Variants in AKT3 observed in about 807,000 individuals in gnomAD.
AKT3 encodes RAC-gamma serine/threonine-protein kinase.
AKT3 carries 15 observed loss-of-function variants against 65.3 expected under a neutral mutation model. That is an observed-to-expected ratio of 0.23 (90% CI 0.15 to 0.35). AKT3 has a LOEUF of 0.35. Among genes scored for constraint, AKT3 ranks in the 10% least tolerant of loss-of-function variants. AKT3 has a pLI of 1.00. For missense variants in AKT3, 243 were observed against 576.5 expected (o/e 0.42, Z 5.92); for synonymous variants, 206 against 183.8 (o/e 1.12, Z -0.98).
chr1:243,632,009 T>C (rs910787181), intron 6 of AKT3, among the ~76,000 whole-genome samples: 1 of 152,212 alleles, frequency 6.6e-6, no homozygotes, highest in Non-Finnish European at 1.5e-5. Context: ...AACTCATCCA[T>C]GAAGATTGGA....
intron 8 of AKT3, among the ~76,000 whole-genome samples, chr1:243,608,598 T>C (rs1177304459): frequency 6.6e-6 from 1 of 152,146 alleles, no homozygotes; most frequent in Non-Finnish European, 1.5e-5. Flanking sequence ...ATACAGATCC[T>C]ACCCCACTGG....
chr1:243,682,791 T>G (rs949553139), intron 3 of AKT3, among the ~76,000 whole-genome samples: 1 of 152,204 alleles, frequency 6.6e-6, no homozygotes, highest in Non-Finnish European at 1.5e-5. Context: ...TTAATGCTAT[T>G]CTTGTTACCT....
At chr1:243,664,716 A>G in intron 4 of AKT3, 56 bp downstream of exon 4, 1 of 770,430 alleles carries the variant, frequency 1.3e-6, no homozygotes, top group South Asian at 2.2e-5. Flanking sequence ...AGATACAAAT[A>G]CATCTTTAGA....
chr1:243,821,731 C>A (rs1693864575), intron 2 of AKT3, among the ~76,000 whole-genome samples: 1 of 152,128 alleles, frequency 6.6e-6, no homozygotes, highest in African/African-American at 2.4e-5. Context: ...CAAGAGCTAA[C>A]CATCCTAAAT....
chr1:243,499,494 A>ATTT (rs1235436558), downstream of AKT3, among the ~76,000 whole-genome samples: 1 of 152,204 alleles, frequency 6.6e-6, no homozygotes, highest in African/African-American at 2.4e-5. Flanking sequence ...GACTGTCCTT[A>ATTT]TTTAAGAGGC....
In AKT3 at chr1:243,499,932, G is replaced by A. The variant is rs1291591480; in HGVS notation, c.*5317C>T. 9 of 738,282 alleles carry A rather than the reference G, an allele frequency of 1.2e-5. No homozygotes were observed. The highest frequency in any genetic ancestry group is 3.0e-5 in the South Asian group (2 of 67,656). 45.7% of individuals were successfully genotyped at this position (738,282 alleles called of 1,614,324 possible). ...GGGGCTGGTCCTCATCAACGCGGGC[G>A]CTGTCCCCGCACGCAGTCGGGCTGG... On this transcript the variant is annotated 3_prime_UTR_variant, in exon 14 of 14. Coordinates refer to ENST00000673466, the MANE Select transcript of AKT3 (RefSeq NM_005465.7).
chr1:243,542,980 C>A (rs1672420093), intron 12 of AKT3, among the ~76,000 whole-genome samples: 1 of 152,124 alleles, frequency 6.6e-6, no homozygotes, highest in Non-Finnish European at 1.5e-5. Context: ...CAGAAACAGT[C>A]ATTTTGGGTT....
chr1:243,608,359 A>G (rs951427661), intron 8 of AKT3, among the ~76,000 whole-genome samples: 6 of 152,236 alleles, frequency 3.9e-5, no homozygotes, highest in Non-Finnish European at 7.3e-5. Context: ...TAAACTTTCT[A>G]GAGCATAGAC....
chr1:243,819,287 T>C (rs1291173881), intron 2 of AKT3, among the ~76,000 whole-genome samples: 1 of 152,200 alleles, frequency 6.6e-6, no homozygotes, highest in African/African-American at 2.4e-5. Flanking sequence ...GTAGCTCCAG[T>C]TGGCCGTTTT....
At chr1:243,736,477 G>C (rs1687849355) in intron 2 of AKT3, among the ~76,000 whole-genome samples, 1 of 152,070 alleles carries the variant, frequency 6.6e-6, no homozygotes, top group Admixed American at 6.6e-5. Context: ...AAGGCTGAAG[G>C]AATCATAGTC....
rs1023926393 is a variant in AKT3 at position 243,809,774 on chromosome 1, T to G, written c.46+33351A>C. The stretch of plus-strand genomic sequence containing the variant: ...TACACTTATTCCAAAATTGACCACA[T>G]ACTTGGAAGTAAAGCACTCCTCAGC... On this transcript the variant is annotated intron_variant, in intron 2 of 13. Coordinates refer to ENST00000673466, the MANE Select transcript of AKT3 (RefSeq NM_005465.7). 5.9e-5 allele frequency among the ~76,000 whole-genome samples: 9 copies of G among 152,200 alleles called. No homozygotes were observed. The East Asian group carries it at 1.2e-3, about 20-fold the overall frequency.
intron 13 of AKT3, among the ~76,000 whole-genome samples, chr1:243,509,573 T>C (rs1669892202): frequency 6.6e-6 from 1 of 152,154 alleles, no homozygotes; most frequent in African/African-American, 2.4e-5. Context: ...CTGGTCTTTC[T>C]AGTCTCACAT....
chr1:243,619,276 T>G (rs897079482), intron 6 of AKT3, among the ~76,000 whole-genome samples: 3 of 152,164 alleles, frequency 2.0e-5, no homozygotes, highest in African/African-American at 7.2e-5. Context: ...ATGTGTTGTT[T>G]TGACACATTC....
intron 2 of AKT3, among the ~76,000 whole-genome samples, chr1:243,768,454 G>A (rs1327561783): frequency 1.3e-5 from 2 of 152,076 alleles, no homozygotes; most frequent in African/African-American, 2.4e-5. Context: ...CACACAGTAG[G>A]TCAAAATGTC....
At chr1:243,662,441 T>G (rs990028158) in intron 4 of AKT3, among the ~76,000 whole-genome samples, 8 of 150,960 alleles carry the variant, frequency 5.3e-5, no homozygotes, top group South Asian at 2.1e-4. Context: ...TCATTCTCAG[T>G]AAACTATCGC....
At chr1:243,743,274 T>G (rs964591628) in intron 2 of AKT3, among the ~76,000 whole-genome samples, 3 of 152,292 alleles carry the variant, frequency 2.0e-5, no homozygotes, top group Non-Finnish European at 4.4e-5. Context: ...GCCTAATAAT[T>G]TTACCCTGGA....
chr1:243,739,216 A>C (rs1256901375), intron 2 of AKT3, among the ~76,000 whole-genome samples: 1 of 152,232 alleles, frequency 6.6e-6, no homozygotes, highest in Non-Finnish European at 1.5e-5. Flanking sequence ...AAAAAGAAAG[A>C]GTAAAATTTA....
chr1:243,632,587 C>T (rs1679687394), intron 6 of AKT3, among the ~76,000 whole-genome samples: 1 of 152,190 alleles, frequency 6.6e-6, no homozygotes, highest in Middle Eastern at 3.2e-3. Context: ...AAGTCACCAA[C>T]TGCATAGCCA....
Position 243,585,981 on chromosome 1 carries a change from T to G in AKT3, c.697-12933A>C, listed in dbSNP as rs187999904. Among the ~76,000 whole-genome samples the G allele has an allele frequency of 1.5e-3, 234 of 152,252 alleles. 1 individual carries two copies. Among genetic ancestry groups the G allele is most frequent in the Non-Finnish European group, 2.6e-3 (177 of 67,998 alleles). ...TGGGATAAAATATTCATAAACTATC[T>G]GACAAAGGTCTAATATCCAAAGTGT... is the stretch of plus-strand genomic sequence containing the variant. On this transcript the variant is annotated intron_variant, in intron 8 of 13. Coordinates refer to ENST00000673466, the MANE Select transcript of AKT3 (RefSeq NM_005465.7).
Sources: allele counts gnomAD v4.1 joint callset (sites outside exome capture counted in the v4.1 genomes callset), GRCh38; gene constraint gnomAD v4.1.1; transcripts MANE v1.5; gene names NCBI Gene and HGNC (gene_info 2026-07-23, HGNC 2026-07-21).